HTRA3: variants seen among roughly 807,000 people sequenced by gnomAD.
HTRA3 encodes serine protease HTRA3.
In HTRA3, 41 loss-of-function variants were observed where a neutral mutation model predicts 43.2. That is an observed-to-expected ratio of 0.95 (90% CI 0.74 to 1.23). HTRA3 has a LOEUF of 1.23. HTRA3 is among the 50% of genes most tolerant of loss of function. The pLI is 0.00. For missense variants in HTRA3, 628 were observed against 647.1 expected (o/e 0.97, Z 0.32); for synonymous variants, 295 against 287.9 (o/e 1.02, Z -0.25).
In HTRA3 at chr4:8,304,643, G is replaced by GTTTTT. The variant is rs140790982; in HGVS notation, c.1196+391_1196+395dup. Among the ~76,000 whole-genome samples the GTTTTT allele has an allele frequency of 6.4e-5, 4 of 62,734 alleles. 1 individual carries two copies. The highest frequency in any genetic ancestry group is 8.4e-5 in the Non-Finnish European group (3 of 35,620). 41.2% of individuals were successfully genotyped at this position (62,734 alleles called of 152,430 possible). Reference sequence around the variant, plus strand: ...TAAAGTGGAGATAATTCAGCCTATTGTTTTTTTTTTTTTTTTTTTTTTTTT... The same window carrying GTTTTT: ...TAAAGTGGAGATAATTCAGCCTATTGTTTTTTTTTTTTTTTTTTTTTTTTTTTTTT... On this transcript the variant is annotated intron_variant, in intron 8 of 8. Transcript: ENST00000307358.
In HTRA3 at chr4:8,269,946, C is replaced by T. The variant is rs1712176029; in HGVS notation, c.-23C>T. 4.7e-6 allele frequency: 5 copies of T among 1,073,792 alleles called. No individual in the cohort carries two copies. In the South Asian group the frequency reaches 1.7e-4, roughly 38 times the overall value. The allele number at this position is 1,073,792 out of a possible 1,614,324, so 66.5% of individuals were successfully genotyped here. A position where few individuals can be genotyped will look rare whatever the true frequency, so the allele number is the denominator to read the frequency against. ...GCCCCCGCCCGGTCTCCCGCGCTGC[C>T]ACCCGCCGCCGGCCCTGCCGCCATG... On this transcript the variant is annotated 5_prime_UTR_variant, in exon 1 of 9. Coordinates refer to ENST00000307358, the MANE Select transcript of HTRA3 (RefSeq NM_053044.5).
rs891878780 is a variant in HTRA3, at chr4:8,279,734, T to C, written c.386-2703T>C. On this transcript the variant is annotated intron_variant, in intron 1 of 8. Transcript: ENST00000307358. The surrounding 1 kb of genome is among the most constrained non-coding windows in gnomAD (Gnocchi z 7.4). The stretch of plus-strand genomic sequence containing the variant: ...GTGCCGTGGCTGCCTGCACAGGCAA[T>C]GCGGGCTCAGCCTGTGGCTTTCCAT... 3.9e-4 allele frequency among the ~76,000 whole-genome samples: 59 copies of C among 152,276 alleles called. No homozygotes were observed. Among genetic ancestry groups the C allele is most frequent in the African/African-American group, 1.4e-3 (57 of 41,542 alleles).
At chr4:8,281,701 C>A (rs1006554834) in intron 1 of HTRA3, among the ~76,000 whole-genome samples, 5 of 152,242 alleles carry the variant, frequency 3.3e-5, no homozygotes, top group Non-Finnish European at 4.4e-5. Flanking sequence ...CTGTGGGCCC[C>A]GTGCCACTGC....
chr4:8,286,712 G>A lies in HTRA3; in HGVS notation c.637G>A (p.Asp213Asn), dbSNP rs746400459. 3.1e-6 allele frequency: 5 copies of A among 1,614,202 alleles called. No homozygotes were observed. The South Asian group carries it at 5.5e-5, about 18-fold the overall frequency. The change falls in exon 3 of 9, where the codon GAC (aspartate) becomes AAC (asparagine). Residue 213 changes from aspartate (D) to asparagine (N), a missense_variant. Physicochemically the swap from Asp to Asn is conservative, Grantham distance 23. Transcript: ENST00000307358. This position sits in a 1 kb window ranked among gnomAD's most constrained non-coding sequence, Gnocchi z 4.9. The stretch of plus-strand genomic sequence containing the variant: ...GCTCAAGGTGCAGCTACAGAATGGG[G>A]ACTCCTATGAGGCCACCATCAAAGA... ...QQLKVQLQNGDSYEATIKDID... is the reference protein window; with the variant it reads ...QQLKVQLQNGNSYEATIKDID...
Position 8,296,387 on chromosome 4 carries a change from G to A in HTRA3, c.1051+2186G>A. 2.0e-6 allele frequency: 2 copies of A among 985,436 alleles called. No individual in the cohort carries two copies. Among genetic ancestry groups the A allele is most frequent in the African/African-American group, 3.5e-5 (2 of 57,362 alleles). The allele number at this position is 985,436 out of a possible 1,614,324, so 61.0% of individuals were successfully genotyped here. A position where few individuals can be genotyped will look rare whatever the true frequency, so the allele number is the denominator to read the frequency against. ...GAGCCTGATAAACCTTAGCTGCATG[G>A]CACACTTGCAATTTTAAAATCCTTC... On this transcript the variant is annotated intron_variant, in intron 6 of 8. Transcript: ENST00000307358. This position sits in a 1 kb window ranked among gnomAD's most constrained non-coding sequence, Gnocchi z 5.3.
intron 1 of HTRA3, among the ~76,000 whole-genome samples, chr4:8,276,004 C>T (rs1029143239): frequency 1.3e-5 from 2 of 152,192 alleles, no homozygotes; most frequent in Admixed American, 1.3e-4. Context: ...AATCATAGAC[C>T]GCTGTCCTTG....
At chr4:8,288,890 C>CTTCCTTCCTTCCTTCT in intron 3 of HTRA3, among the ~76,000 whole-genome samples, 1 of 104,850 alleles carries the variant, frequency 9.5e-6, no homozygotes, top group East Asian at 3.0e-4. Flanking sequence ...TCCTTCCTTC[C>CTTCCTTCCTTCCTTCT]TTCCGTCCGT....
rs545179309 is a variant in HTRA3, at chr4:8,283,818, TGCCCTAGGCCCG to T, written c.485+1288_485+1299del. On this transcript the variant is annotated intron_variant, in intron 2 of 8. Coordinates refer to ENST00000307358, the MANE Select transcript of HTRA3 (RefSeq NM_053044.5). ...CAGCCTCCCTGTGACGAGGCTCCAC[TGCCCTAGGCCCG>T]GCCCTGGGGACTGAGCATCTGGTGG... Among the ~76,000 whole-genome samples the T allele has an allele frequency of 3.9e-5, 6 of 152,306 alleles. No individual in the cohort carries two copies. In the East Asian group the frequency reaches 1.2e-3, roughly 29 times the overall value.
At chr4:8,275,179 C>A (rs1453529043) in intron 1 of HTRA3, among the ~76,000 whole-genome samples, 1 of 152,230 alleles carries the variant, frequency 6.6e-6, no homozygotes, top group Non-Finnish European at 1.5e-5. Context: ...GAGCTGAGAC[C>A]AGGGCGCTGT....
intron 5 of HTRA3, among the ~76,000 whole-genome samples, chr4:8,293,682 GC>G (rs1485595967): frequency 6.6e-6 from 1 of 152,208 alleles, no homozygotes. Flanking sequence ...CCACCTGCCA[GC>G]CCCCCACTTC....
At chr4:8,275,229 A>G (rs1482736695) in intron 1 of HTRA3, among the ~76,000 whole-genome samples, 1 of 152,060 alleles carries the variant, frequency 6.6e-6, no homozygotes, top group Non-Finnish European at 1.5e-5. Context: ...TAGCAAATGC[A>G]CCCTCACCCC....
rs929707652 is a variant in HTRA3 at position 8,286,861 on chromosome 4, G to A, written c.708+78G>A. The A allele has an allele frequency of 1.3e-5, 14 of 1,087,230 alleles. 1 individual carries two copies. Among genetic ancestry groups the A allele is most frequent in the Admixed American group, 4.3e-5 (2 of 46,562 alleles). The allele number at this position is 1,087,230 out of a possible 1,614,324, so 67.3% of individuals were successfully genotyped here. ...CTCTTCCCAGACGCCGGAACCCAGA[G>A]GCAAGCTAGCCCCACCTTCCATCAG... On this transcript the variant is annotated intron_variant, in intron 3 of 8. Transcript: ENST00000307358. This position sits in a 1 kb window ranked among gnomAD's most constrained non-coding sequence, Gnocchi z 4.9.
Position 8,306,261 on chromosome 4 carries a change from G to A in HTRA3, c.*125G>A, listed in dbSNP as rs1206804182. ...GGCGGCAGCCTCCTCCTGGCTGTCC[G>A]GGGCAGAGCGGAGGCTGGGCTTGGC... On this transcript the variant is annotated 3_prime_UTR_variant, in exon 9 of 9. Transcript: ENST00000307358. The surrounding 1 kb of genome is among the most constrained non-coding windows in gnomAD (Gnocchi z 8.9). 1.7e-5 allele frequency: 18 copies of A among 1,037,064 alleles called. No homozygotes were observed. Among genetic ancestry groups the A allele is most frequent in the Admixed American group, 9.4e-5 (3 of 31,818 alleles). 64.2% of individuals were successfully genotyped at this position (1,037,064 alleles called of 1,614,324 possible).
intron 6 of HTRA3, among the ~76,000 whole-genome samples, chr4:8,301,211 A>G (rs747125044): frequency 5.4e-5 from 8 of 149,032 alleles, no homozygotes; most frequent in Non-Finnish European, 1.2e-4. Context: ...TCTCAGCTTT[A>G]TTATTGATTC....
At chr4:8,301,409 A>G (rs544602173) in intron 6 of HTRA3, among the ~76,000 whole-genome samples, 16 of 150,470 alleles carry the variant, frequency 1.1e-4, no homozygotes, top group African/African-American at 3.9e-4. Context: ...ATTGATTCAC[A>G]CTATCAGCTT....
At chr4:8,283,534 C>T (rs867432413) in intron 2 of HTRA3, among the ~76,000 whole-genome samples, 3 of 152,208 alleles carry the variant, frequency 2.0e-5, no homozygotes, top group Non-Finnish European at 4.4e-5. Context: ...ACTTATATCC[C>T]GCAGAAGCAG....
intron 8 of HTRA3, 85 bp downstream of exon 8, chr4:8,304,364 T>C (rs4696802): frequency 0.32 from 333,152 of 1,046,210 alleles, 57,625 homozygotes; most frequent in East Asian, 0.65. Context: ...TCATGTGACC[T>C]TGAGCTTCCC....
chr4:8,303,471 A>G (rs552252324), intron 7 of HTRA3, among the ~76,000 whole-genome samples: 1 of 152,238 alleles, frequency 6.6e-6, no homozygotes, highest in East Asian at 1.9e-4. Context: ...GGAAGTACAA[A>G]CTTGAGCTTC....
In HTRA3 at chr4:8,286,882, A is replaced by C; in HGVS notation, c.708+99A>C. 2.2e-6 allele frequency: 2 copies of C among 918,280 alleles called. No homozygotes were observed. Among genetic ancestry groups the C allele is most frequent in the Non-Finnish European group, 3.4e-6 (2 of 595,858 alleles). The allele number at this position is 918,280 out of a possible 1,614,324, so 56.9% of individuals were successfully genotyped here. On this transcript the variant is annotated intron_variant, in intron 3 of 8. Transcript: ENST00000307358. The surrounding 1 kb of genome is among the most constrained non-coding windows in gnomAD (Gnocchi z 4.9). Reference sequence around the variant, plus strand: ...CAGAGGCAAGCTAGCCCCACCTTCCATCAGCCAGGGGGAGGAAACTGGGCC... The same window carrying C: ...CAGAGGCAAGCTAGCCCCACCTTCCCTCAGCCAGGGGGAGGAAACTGGGCC...
Sources: gnomAD v4.1 joint callset for allele counts (sites outside exome capture counted in the v4.1 genomes callset) on GRCh38, gnomAD v4.1.1 for gene constraint, Gnocchi (gnomAD v3.1) non-coding constraint, MANE v1.5 for transcripts, NCBI Gene and HGNC (gene_info 2026-07-23, HGNC 2026-07-21) for gene names.